RBBP8: variants seen among roughly 807,000 people sequenced by gnomAD.
The protein encoded by RBBP8 is DNA endonuclease RBBP8.
A neutral mutation model predicts 108.3 loss-of-function variants in RBBP8; 88 were observed. That is an observed-to-expected ratio of 0.81 (90% CI 0.68 to 0.97). The LOEUF (loss-of-function observed/expected upper bound fraction) is 0.97. Among genes scored for constraint, RBBP8 ranks in the 50% least tolerant of loss-of-function variants. The pLI, the probability that RBBP8 is intolerant of heterozygous loss-of-function variation, is 0.00. For missense variants in RBBP8, 1,023 were observed against 1,049.0 expected, an observed-to-expected ratio of 0.98 and a Z score of 0.34; for synonymous variants, 332 against 348.2, an observed-to-expected ratio of 0.95 and a Z score of 0.52.
chr18:22,944,593 G>T (rs1054638876), intron 2 of RBBP8, among the ~76,000 whole-genome samples: 4 of 152,200 alleles, frequency 2.6e-5, no homozygotes, highest in African/African-American at 9.7e-5. Flanking sequence ...GGCTAAGACT[G>T]CTGTGAACAT....
rs2046453910 is a variant in RBBP8 at position 23,026,486 on chromosome 18, A to G, written c.*246A>G. 1.2e-5 allele frequency: 5 copies of G among 427,948 alleles called. No individual in the cohort carries two copies. The highest frequency in any genetic ancestry group is 6.7e-5 in the South Asian group (3 of 44,832). 26.5% of individuals were successfully genotyped at this position (427,948 alleles called of 1,614,324 possible). A position where few individuals can be genotyped will look rare whatever the true frequency, so the allele number is the denominator to read the frequency against. On this transcript the variant is annotated 3_prime_UTR_variant, in exon 19 of 19. Coordinates refer to ENST00000327155, the MANE Select transcript of RBBP8 (RefSeq NM_002894.3). ...TACCTAATACAATTTTGAAAATACA[A>G]TAGTTGTAGTCTGTGATTTGTTGCC...
chr18:22,945,904 TCTC>T (rs1740596078), intron 2 of RBBP8, among the ~76,000 whole-genome samples: 1 of 152,224 alleles, frequency 6.6e-6, no homozygotes, highest in African/African-American at 2.4e-5. Context: ...TCTGCTTTCT[TCTC>T]AGTAATTACC....
intron 14 of RBBP8, among the ~76,000 whole-genome samples, chr18:23,000,483 T>C (rs937150728): frequency 4.6e-5 from 7 of 152,200 alleles, no homozygotes; most frequent in Non-Finnish European, 1.0e-4. Flanking sequence ...GACTCGCACC[T>C]GTAATCCCAG....
At chr18:22,937,130 G>A (rs1348219605) in intron 2 of RBBP8, 170 bp downstream of exon 2, 2 of 1,370,552 alleles carry the variant, frequency 1.5e-6, no homozygotes, top group South Asian at 1.4e-5. Flanking sequence ...GGTTTGGTGT[G>A]CAAATGATTT....
At chr18:22,999,668 A>T (rs2045915005) in intron 14 of RBBP8, among the ~76,000 whole-genome samples, 1 of 152,116 alleles carries the variant, frequency 6.6e-6, no homozygotes, top group Non-Finnish European at 1.5e-5. Flanking sequence ...AAATTACCCC[A>T]TAAGGTAAAA....
rs1222590206 is a variant in RBBP8, at chr18:23,026,287, A to G, written c.*47A>G. The G allele has an allele frequency of 6.9e-7, 1 of 1,444,238 alleles. No individual in the cohort carries two copies. Among genetic ancestry groups the G allele is most frequent in the Non-Finnish European group, 9.7e-7 (1 of 1,030,420 alleles). 89.5% of individuals were successfully genotyped at this position (1,444,238 alleles called of 1,614,324 possible). Reference sequence around the variant, plus strand: ...GATGAAGGACAGTTTTTTCCTTCTTAGTTATTTATAGTTAAAGTTGGTACT... The same window carrying G: ...GATGAAGGACAGTTTTTTCCTTCTTGGTTATTTATAGTTAAAGTTGGTACT... On this transcript the variant is annotated 3_prime_UTR_variant, in exon 19 of 19. Transcript: ENST00000327155.
intron 14 of RBBP8, among the ~76,000 whole-genome samples, chr18:22,999,392 C>T (rs2045910339): frequency 1.3e-5 from 2 of 152,176 alleles, no homozygotes; most frequent in Non-Finnish European, 2.9e-5. Context: ...TCCTCATTTA[C>T]TCTCAGGGCT....
chr18:22,920,874 A>G (rs979041034), intron 3 of RBBP8: 1 of 152,220 alleles, frequency 6.6e-6, no homozygotes, highest in Admixed American at 6.5e-5. Flanking sequence ...TCTTCTGCCT[A>G]TAACAGAGAA....
Position 22,992,971 on chromosome 18 carries a change from A to G in RBBP8, c.1144A>G (p.Ser382Gly). 1 of 1,613,640 alleles carries G rather than the reference A, an allele frequency of 6.2e-7. No individual in the cohort carries two copies. The highest frequency in any genetic ancestry group is 8.5e-7 in the Non-Finnish European group (1 of 1,179,530). Residue 382 changes from serine to glycine, a missense_variant, in exon 11 of 19, where the codon AGT becomes GGT. Transcript: ENST00000327155. ...AAAAACTAGATCAAAATCTGAAGAT[A>G]GTGCCCTTTTCACACATCACAGTCT... Reference protein sequence around the residue: ...LEKTRSKSEDSALFTHHSLGS... With the variant: ...LEKTRSKSEDGALFTHHSLGS...
chr18:22,960,695 C>T (rs1243026864), intron 4 of RBBP8, among the ~76,000 whole-genome samples: 2 of 152,198 alleles, frequency 1.3e-5, no homozygotes, highest in Admixed American at 1.3e-4. Flanking sequence ...GCCTCAGCCT[C>T]CCAAAGTGCT....
chr18:22,925,978 T>C (rs6507385), intron 3 of RBBP8, among the ~76,000 whole-genome samples: 25,474 of 152,196 alleles, frequency 0.17, 2,697 homozygotes, highest in African/African-American at 0.31. Flanking sequence ...TCCTTTTAAG[T>C]GCCAGGGTTA....
At chr18:22,975,278 A>G (rs1307545144) in intron 6 of RBBP8, 59 bp downstream of exon 6, 1 of 1,590,862 alleles carries the variant, frequency 6.3e-7, no homozygotes, top group Non-Finnish European at 8.6e-7. Context: ...AACCATGAAG[A>G]TAACTGTAAG....
At chr18:22,972,093 C>T (rs544522317) in intron 5 of RBBP8, among the ~76,000 whole-genome samples, 6 of 151,152 alleles carry the variant, frequency 4.0e-5, no homozygotes, top group African/African-American at 1.2e-4. Context: ...CGTTGGCTCA[C>T]GCCTGTAATC....
At chr18:22,927,455 T>C (rs1297611295) in intron 3 of RBBP8, among the ~76,000 whole-genome samples, 17 of 152,074 alleles carry the variant, frequency 1.1e-4, no homozygotes, top group African/African-American at 4.1e-4. Context: ...ACAACCTCAT[T>C]TGTTCACTCA....
intron 3 of RBBP8, among the ~76,000 whole-genome samples, chr18:22,949,231 T>C (rs1275648822): frequency 6.6e-6 from 1 of 152,150 alleles, no homozygotes; most frequent in African/African-American, 2.4e-5. Context: ...AGCTCTGACT[T>C]AAAAGCAAGA....
Position 23,022,156 on chromosome 18 carries a change from A to G in RBBP8, c.2482A>G (p.Arg828Gly). The G allele has an allele frequency of 6.2e-7, 1 of 1,606,946 alleles. No homozygotes were observed. Among genetic ancestry groups the G allele is most frequent in the Non-Finnish European group, 8.5e-7 (1 of 1,173,444 alleles). ...TTATGCAGATATGCCAGCAGAAGAA[A>G]GAGAAAAGAAATTGGCTTCCTGCTC... is the stretch of plus-strand genomic sequence containing the variant. ...IYYADMPAEEREKKLASCSRH... is the reference protein window; with the variant it reads ...IYYADMPAEEGEKKLASCSRH... Residue 828 changes from arginine to glycine, a missense_variant, in exon 18 of 19, where the codon AGA becomes GGA. Arg to Gly is a moderately radical substitution (Grantham distance 125). Transcript: ENST00000327155.
At position 22,949,692 on chromosome 18, in the gene RBBP8, C is replaced by A; in HGVS notation, c.227C>A (p.Thr76Asn). ...LREQQKVLHE[T>N]IKVLEDRLRA... ...GAACAGCAGAAAGTCCTTCATGAAACCATTAAAGTTTTAGAAGATCGGTGA... is the reference window on the plus strand; with the variant it reads ...GAACAGCAGAAAGTCCTTCATGAAAACATTAAAGTTTTAGAAGATCGGTGA... Residue 76 changes from threonine to asparagine, a missense_variant, in exon 4 of 19, where the codon ACC becomes AAC. Transcript: ENST00000327155. 1.2e-6 allele frequency: 2 copies of A among 1,612,378 alleles called. No individual in the cohort carries two copies. Among genetic ancestry groups the A allele is most frequent in the Non-Finnish European group, 1.7e-6 (2 of 1,178,634 alleles).
chr18:22,976,091 T>G (rs934970301), intron 6 of RBBP8, among the ~76,000 whole-genome samples: 7 of 152,130 alleles, frequency 4.6e-5, no homozygotes, highest in Non-Finnish European at 1.0e-4. Flanking sequence ...AGTAAAACTA[T>G]GTAGATGTAA....
chr18:22,977,553 G>A (rs1914581010), intron 6 of RBBP8, among the ~76,000 whole-genome samples: 1 of 152,046 alleles, frequency 6.6e-6, no homozygotes, highest in African/African-American at 2.4e-5. Flanking sequence ...AAAGTCAAGG[G>A]AGTCTATACA....
Sources: gnomAD v4.1 joint callset for allele counts (sites outside exome capture counted in the v4.1 genomes callset) on GRCh38, gnomAD v4.1.1 for gene constraint, MANE v1.5 for transcripts, NCBI Gene and HGNC (gene_info 2026-07-23, HGNC 2026-07-21) for gene names.